Variants in SEMA3C observed in about 807,000 individuals in gnomAD.
SEMA3C encodes the protein semaphorin 3C.
In SEMA3C, 47 loss-of-function variants were observed where a neutral mutation model predicts 89.4. That is an observed-to-expected ratio of 0.53 (90% CI 0.42 to 0.67). SEMA3C has a LOEUF of 0.67. Ranked by LOEUF, SEMA3C falls within the 30% of genes least tolerant of loss-of-function variation. SEMA3C has a pLI of 0.00. For synonymous variants in SEMA3C, 310 were observed against 320.2 expected (o/e 0.97, Z 0.34); for missense variants, 839 against 929.1 (o/e 0.90, Z 1.26).
chr7:80,787,510 C>T (rs1024600243), intron 12 of SEMA3C, among the ~76,000 whole-genome samples: 6 of 151,770 alleles, frequency 4.0e-5, no homozygotes, highest in Non-Finnish European at 5.9e-5. Context: ...GAGGAGAATC[C>T]TCTGACACAT....
intron 2 of SEMA3C, among the ~76,000 whole-genome samples, chr7:80,876,171 A>C (rs1791198073): frequency 6.6e-6 from 1 of 152,218 alleles, no homozygotes; most frequent in African/African-American, 2.4e-5. Context: ...GGACTACTGT[A>C]TTAATAATTC....
At chr7:80,887,207 T>C (rs1403441446) in intron 2 of SEMA3C, among the ~76,000 whole-genome samples, 1 of 152,166 alleles carries the variant, frequency 6.6e-6, no homozygotes, top group African/African-American at 2.4e-5. Context: ...ATTTTAAGTG[T>C]CTGCAAAGTT....
At chr7:80,822,328 A>G (rs901625448) in intron 4 of SEMA3C, among the ~76,000 whole-genome samples, 3 of 151,996 alleles carry the variant, frequency 2.0e-5, no homozygotes, top group Admixed American at 6.6e-5. Flanking sequence ...AGTCTTGCAG[A>G]ATAATTTAGA....
intron 12 of SEMA3C, among the ~76,000 whole-genome samples, chr7:80,786,833 G>C (rs943112441): frequency 2.0e-5 from 3 of 152,176 alleles, no homozygotes; most frequent in African/African-American, 7.2e-5. Context: ...TGAACTTTGA[G>C]AGAAATGTGC....
chr7:80,865,590 G>C (rs972512022), intron 2 of SEMA3C, among the ~76,000 whole-genome samples: 8 of 151,884 alleles, frequency 5.3e-5, no homozygotes, highest in African/African-American at 1.9e-4. Flanking sequence ...GAGTTCAAAA[G>C]CAGCCTGGCC....
At chr7:80,773,392 A>G (rs1365810064) in intron 12 of SEMA3C, among the ~76,000 whole-genome samples, 7 of 152,176 alleles carry the variant, frequency 4.6e-5, no homozygotes. Flanking sequence ...ATTTTCAAAC[A>G]CTTTTGGTAG....
chr7:80,750,731 G>A (rs1430426189), intron 16 of SEMA3C, among the ~76,000 whole-genome samples: 1 of 151,736 alleles, frequency 6.6e-6, no homozygotes, highest in East Asian at 1.9e-4. Context: ...GGTTTCTAAG[G>A]GCTGGAGGGA....
rs532437915 is a variant in SEMA3C, at chr7:80,796,632, C to A, written c.1131+1460G>T. 2.6e-5 allele frequency: 4 copies of A among 152,272 alleles called. No individual in the cohort carries two copies. The East Asian group carries it at 7.7e-4, about 29-fold the overall frequency. 9.4% of individuals were successfully genotyped at this position (152,272 alleles called of 1,614,324 possible). On this transcript the variant is annotated intron_variant, in intron 11 of 17. Transcript: ENST00000265361. ...TGTCCATCTTCTTTAGAGCTGCGAA[C>A]ATCAAAGAGAGATCATCTTAAAGGA...
chr7:80,778,631 C>T (rs552525752), intron 12 of SEMA3C, among the ~76,000 whole-genome samples: 1 of 152,170 alleles, frequency 6.6e-6, no homozygotes, highest in Admixed American at 6.5e-5. Context: ...ATCAAACAAC[C>T]CATTTACTTG....
Position 80,743,321 on chromosome 7 carries a change from T to A in SEMA3C, c.*1573A>T, listed in dbSNP as rs1787724142. On this transcript the variant is annotated 3_prime_UTR_variant, in exon 18 of 18. Transcript: ENST00000265361. ...AATTTATCATAGTTTAAATAGTGAA[T>A]CATATTCTGATATTCTGATTAATAA... 6.6e-6 allele frequency: 1 copy of A among 151,908 alleles called. No individual in the cohort carries two copies. Among genetic ancestry groups the A allele is most frequent in the Non-Finnish European group, 1.5e-5 (1 of 67,810 alleles). 9.4% of individuals were successfully genotyped at this position (151,908 alleles called of 1,614,324 possible). A position where few individuals can be genotyped will look rare whatever the true frequency, so the allele number is the denominator to read the frequency against.
intron 10 of SEMA3C, among the ~76,000 whole-genome samples, chr7:80,798,991 G>A (rs1789133448): frequency 1.3e-5 from 2 of 152,106 alleles, no homozygotes; most frequent in Admixed American, 1.3e-4. Context: ...AGTATCAATA[G>A]GCAGAATGAT....
At position 80,916,760 on chromosome 7, in the gene SEMA3C, C is replaced by A. The variant is rs745820276; in HGVS notation, c.22G>T (p.Val8Leu). MAFRTIC[V>L]LVGVFICSIC... The stretch of plus-strand genomic sequence containing the variant: ...GAACAAATAAATACTCCAACCAACA[C>A]GCAAATTGTCCGGAATGCCATTTCT... The change falls in exon 2 of 18, where the codon GTG (valine) becomes TTG (leucine). Residue 8 changes from valine (V) to leucine (L), a missense_variant. Val to Leu is a conservative substitution (Grantham distance 32). Coordinates refer to ENST00000265361, the MANE Select transcript of SEMA3C (RefSeq NM_006379.5). The A allele has an allele frequency of 9.9e-6, 16 of 1,613,308 alleles. No individual in the cohort carries two copies. Among genetic ancestry groups the A allele is most frequent in the Middle Eastern group, 1.6e-4 (1 of 6,080 alleles).
In SEMA3C at chr7:80,827,434, T is replaced by C; in HGVS notation, c.318A>G (p.Lys106=). 1 of 1,586,676 alleles carries C rather than the reference T, an allele frequency of 6.3e-7. No homozygotes were observed. ...TTTTTTTAACACTTACTGTGGGATCTTTGCCAGCCATTTTGCATTCTTCAA... is the reference window on the plus strand; with the variant it reads ...TTTTTTTAACACTTACTGTGGGATCCTTGCCAGCCATTTTGCATTCTTCAA... ...IKVEECKMAG[K]DPTHGCGNFV... Residue 106 remains lysine (K), a synonymous_variant, in exon 4 of 18, where the codon AAA becomes AAG. Transcript: ENST00000265361.
At chr7:80,832,430 T>A (rs1474370756) in intron 2 of SEMA3C, among the ~76,000 whole-genome samples, 1 of 152,206 alleles carries the variant, frequency 6.6e-6, no homozygotes, top group Non-Finnish European at 1.5e-5. Context: ...ATTATCTATC[T>A]AATTAGATAC....
At position 80,820,595 on chromosome 7, in the gene SEMA3C, T is replaced by C. The variant is rs117799880; in HGVS notation, c.328-2177A>G. ...TTATTAAATAATCAATCATTAACTC[T>C]AGTCAAAGAAATTAATCCTTATAGA... On this transcript the variant is annotated intron_variant, in intron 4 of 17. Coordinates refer to ENST00000265361, the MANE Select transcript of SEMA3C (RefSeq NM_006379.5). Among the ~76,000 whole-genome samples the C allele has an allele frequency of 1.1e-3, 166 of 152,292 alleles. 1 individual carries two copies. The East Asian group carries it at 0.019, about 17-fold the overall frequency.
chr7:80,860,677 C>T (rs1000472369), intron 2 of SEMA3C, among the ~76,000 whole-genome samples: 1 of 152,106 alleles, frequency 6.6e-6, no homozygotes, highest in Admixed American at 6.6e-5. Context: ...AGGTCAAGGG[C>T]CCATGGTCAT....
At chr7:80,784,967 G>A (rs1348113832) in intron 12 of SEMA3C, among the ~76,000 whole-genome samples, 1 of 151,884 alleles carries the variant, frequency 6.6e-6, no homozygotes, top group Non-Finnish European at 1.5e-5. Flanking sequence ...AAAACCATAA[G>A]AAATAAAAGG....
chr7:80,762,042 T>C (rs1788196201), intron 13 of SEMA3C, among the ~76,000 whole-genome samples: 1 of 144,096 alleles, frequency 6.9e-6, no homozygotes, highest in Non-Finnish European at 1.5e-5. Context: ...TGAGCCGAGA[T>C]TGCACCATTG....
At chr7:80,885,616 C>CA (rs989651583) in intron 2 of SEMA3C, among the ~76,000 whole-genome samples, 1 of 151,980 alleles carries the variant, frequency 6.6e-6, no homozygotes, top group African/African-American at 2.4e-5. Context: ...GACCCTATCT[C>CA]AAAAAACAAA....
Sources: gnomAD v4.1 joint callset for allele counts (sites outside exome capture counted in the v4.1 genomes callset) on GRCh38, gnomAD v4.1.1 for gene constraint, MANE v1.5 for transcripts, NCBI Gene and HGNC (gene_info 2026-07-23, HGNC 2026-07-21) for gene names.